The following UNC13C variants were observed in gnomAD, a reference collection of about 807,000 sequenced individuals.
UNC13C encodes unc-13 homolog C, also known as protein unc-13 homolog C.
In UNC13C, 174 loss-of-function variants were observed where a neutral mutation model predicts 245.4. The ratio of observed to expected loss-of-function variants is 0.71; its 90% confidence interval spans 0.63 to 0.80. The LOEUF is 0.80. UNC13C is among the 30% of genes least tolerant of loss of function. The pLI, the probability that UNC13C is intolerant of heterozygous loss-of-function variation, is 0.00. For missense variants in UNC13C, 2,829 were observed against 2,602.9 expected (o/e 1.09, Z -1.89); for synonymous variants, 992 against 895.1 (o/e 1.11, Z -1.93).
chr15:54,477,325 G>T (rs904169033), intron 19 of UNC13C, among the ~76,000 whole-genome samples: 2 of 96,488 alleles, frequency 2.1e-5, no homozygotes, highest in African/African-American at 7.9e-5. Flanking sequence ...AATTGCCCTG[G>T]CCAGAACTTC....
At chr15:54,024,478 G>A (rs1192051345) in intron 2 of UNC13C, among the ~76,000 whole-genome samples, 2 of 152,162 alleles carry the variant, frequency 1.3e-5, no homozygotes, top group African/African-American at 4.8e-5. Flanking sequence ...GAGTCCAAGG[G>A]AGATGGACTC....
chr15:54,553,336 TTGA>T (rs1896941129), intron 28 of UNC13C, among the ~76,000 whole-genome samples: 1 of 120,866 alleles, frequency 8.3e-6, no homozygotes, highest in Non-Finnish European at 1.6e-5. Flanking sequence ...TAATATATAA[TTGA>T]ATATATTGTA....
At chr15:54,562,428 A>G (rs1040604157) in intron 29 of UNC13C, among the ~76,000 whole-genome samples, 6 of 151,924 alleles carry the variant, frequency 3.9e-5, no homozygotes, top group African/African-American at 1.4e-4. Context: ...AGGATTCTAG[A>G]CTCTCAGAAT....
intron 2 of UNC13C, among the ~76,000 whole-genome samples, chr15:54,129,167 C>T (rs2031252686): frequency 6.6e-6 from 1 of 152,132 alleles, no homozygotes; most frequent in East Asian, 1.9e-4. Context: ...GTCTATTTTT[C>T]CTGGAAGTGG....
At chr15:54,544,426 A>G (rs531260111) in intron 26 of UNC13C, among the ~76,000 whole-genome samples, 12 of 152,312 alleles carry the variant, frequency 7.9e-5, no homozygotes, top group African/African-American at 2.9e-4. Context: ...TGTTTAACAT[A>G]GTATTGGAAG....
the UNC13C span, among the ~76,000 whole-genome samples, chr15:53,924,929 T>C: frequency 6.6e-6 from 1 of 152,208 alleles, no homozygotes; most frequent in Non-Finnish European, 1.5e-5. Flanking sequence ...GGTTATATGG[T>C]TATACGTGTT....
chr15:54,310,947 C>T (rs1206858080), intron 13 of UNC13C, among the ~76,000 whole-genome samples: 4 of 151,652 alleles, frequency 2.6e-5, no homozygotes, highest in Non-Finnish European at 5.9e-5. Context: ...TTGATACATA[C>T]TACTACCACC....
At chr15:54,278,099 C>A (rs771015916) in intron 10 of UNC13C, among the ~76,000 whole-genome samples, 2 of 152,110 alleles carry the variant, frequency 1.3e-5, no homozygotes, top group African/African-American at 2.4e-5. Flanking sequence ...ACTTTCCTTA[C>A]CATCTTTGGC....
chr15:54,440,936 T>C (rs1890493953), intron 19 of UNC13C, among the ~76,000 whole-genome samples: 1 of 152,130 alleles, frequency 6.6e-6, no homozygotes, highest in Non-Finnish European at 1.5e-5. Context: ...TTAATATACA[T>C]GTTGACCACT....
At chr15:54,158,908 C>T (rs1800717767) in intron 4 of UNC13C, among the ~76,000 whole-genome samples, 1 of 152,146 alleles carries the variant, frequency 6.6e-6, no homozygotes. Context: ...CCGCCTGGCC[C>T]CGAAGTGCTG....
intron 30 of UNC13C, among the ~76,000 whole-genome samples, chr15:54,621,283 T>G (rs1329956845): frequency 6.6e-6 from 1 of 152,198 alleles, no homozygotes; most frequent in East Asian, 1.9e-4. Context: ...ACAGTCTCTG[T>G]GGTAGAAATT....
chr15:54,302,678 G>T (rs1013410190), intron 13 of UNC13C, among the ~76,000 whole-genome samples: 2 of 152,088 alleles, frequency 1.3e-5, no homozygotes, highest in Non-Finnish European at 2.9e-5. Context: ...GTACCATGCT[G>T]TTTGGTTTAC....
At chr15:54,077,371 CTTTTCTTTT>C (rs1319803799) in intron 2 of UNC13C, among the ~76,000 whole-genome samples, 48 of 71,748 alleles carry the variant, frequency 6.7e-4, no homozygotes, top group Admixed American at 4.7e-3. Flanking sequence ...CTTTTCTTTT[CTTTTCTTTT>C]TTTTTTTTTT....
intron 4 of UNC13C, among the ~76,000 whole-genome samples, chr15:54,165,654 A>G (rs779275183): frequency 6.6e-6 from 1 of 152,014 alleles, no homozygotes. Context: ...GCATTTTGAC[A>G]TCAGGTTTTA....
At chr15:54,088,066 A>G (rs1234096259) in intron 2 of UNC13C, among the ~76,000 whole-genome samples, 1 of 152,014 alleles carries the variant, frequency 6.6e-6, no homozygotes, top group Non-Finnish European at 1.5e-5. Context: ...TATTATATAT[A>G]TATATATCTT....
chr15:54,198,821 A>G (rs913392577), intron 4 of UNC13C, among the ~76,000 whole-genome samples: 1 of 152,126 alleles, frequency 6.6e-6, no homozygotes, highest in Admixed American at 6.6e-5. Context: ...CCCCCAAAAG[A>G]TCATAAGCAG....
downstream of UNC13C, chr15:54,629,200 C>G (rs1901385420): frequency 6.6e-6 from 1 of 152,088 alleles, no homozygotes; most frequent in Non-Finnish European, 1.5e-5. Flanking sequence ...AAACGAAATA[C>G]TACATGTTTG....
chr15:54,576,327 C>A (rs550973202), intron 30 of UNC13C, among the ~76,000 whole-genome samples: 8 of 152,336 alleles, frequency 5.3e-5, no homozygotes, highest in Admixed American at 5.2e-4. Flanking sequence ...CTTCCCACAG[C>A]CTATGCTTTC....
intron 2 of UNC13C, chr15:54,050,159 CAG>C (rs1897215109): frequency 4.6e-5 from 20 of 430,132 alleles, no homozygotes; most frequent in South Asian, 3.0e-4. Context: ...TTAGTAGAGA[CAG>C]GGGTTTCACC....
Sources: allele counts gnomAD v4.1 joint callset (sites outside exome capture counted in the v4.1 genomes callset), GRCh38; gene constraint gnomAD v4.1.1; transcripts MANE v1.5; gene names NCBI Gene and HGNC (gene_info 2026-07-23, HGNC 2026-07-21).